RTL4: variants seen among roughly 807,000 people sequenced by gnomAD.
RTL4 encodes retrotransposon Gag like 4.
Under a neutral mutation model 5.3 loss-of-function variants are expected in RTL4, and 4 were observed. The observed-to-expected ratio is 0.75, with a 90% CI of 0.37 to 1.72. RTL4 has a LOEUF of 1.72. Ranked by LOEUF, RTL4 falls within the 40% of genes most tolerant of loss-of-function variation. RTL4 has a pLI of 0.04. For synonymous variants in RTL4, 98 were observed against 87.3 expected, an observed-to-expected ratio of 1.12 and a Z score of -0.68; for missense variants, 260 against 227.1, an observed-to-expected ratio of 1.14 and a Z score of -0.93.
chrX:112,455,649 A>G (rs780260173), exon 1 of RTL4: 1 of 1,204,631 alleles, frequency 8.3e-7, no homozygotes, highest in Non-Finnish European at 1.1e-6. Context: ...CAAATAACAC[A>G]GCTCACCAGT....
chrX:112,286,422 A>G, the RTL4 span, among the ~76,000 whole-genome samples: 1 of 111,511 alleles, frequency 9.0e-6, no homozygotes, highest in Non-Finnish European at 1.9e-5. Flanking sequence ...GGTTTTGAGC[A>G]GAGGAGTGAC....
the RTL4 span, among the ~76,000 whole-genome samples, chrX:112,316,987 C>G: frequency 8.9e-6 from 1 of 112,193 alleles, no homozygotes; most frequent in East Asian, 2.8e-4. Context: ...CTGAAAACCA[C>G]ATAGTACTCA....
the RTL4 span, among the ~76,000 whole-genome samples, chrX:112,310,637 A>G: frequency 3.3e-5 from 2 of 61,141 alleles, no homozygotes; most frequent in East Asian, 1.0e-3. Flanking sequence ...ATGTTTATAT[A>G]TTATATATAT....
At chrX:112,092,978 GA>G in the RTL4 span, among the ~76,000 whole-genome samples, 124 of 111,031 alleles carry the variant, frequency 1.1e-3, no homozygotes, top group Non-Finnish European at 7.8e-4. Context: ...TTTAGTAAGT[GA>G]AATATAACTA....
the RTL4 span, among the ~76,000 whole-genome samples, chrX:112,345,336 T>C: frequency 9.0e-6 from 1 of 111,491 alleles, no homozygotes; most frequent in African/African-American, 3.3e-5. Flanking sequence ...TATAGAGTTC[T>C]TACTGTACCC....
the RTL4 span, among the ~76,000 whole-genome samples, chrX:112,172,361 A>C: frequency 8.9e-6 from 1 of 111,733 alleles, no homozygotes; most frequent in South Asian, 3.8e-4. Context: ...GATGCTTCTG[A>C]GTAGAAGACA....
At chrX:112,161,061 TA>T in the RTL4 span, among the ~76,000 whole-genome samples, 1 of 111,768 alleles carries the variant, frequency 8.9e-6, no homozygotes, top group Non-Finnish European at 1.9e-5. Flanking sequence ...TGTCTCACAG[TA>T]AAAATGATAG....
the RTL4 span, among the ~76,000 whole-genome samples, chrX:112,400,028 A>G: frequency 9.0e-6 from 1 of 110,594 alleles, no homozygotes; most frequent in Non-Finnish European, 1.9e-5. Flanking sequence ...CCTGCTTGTG[A>G]GATTTTCTCT....
At chrX:112,273,261 T>A in the RTL4 span, among the ~76,000 whole-genome samples, 1 of 109,450 alleles carries the variant, frequency 9.1e-6, no homozygotes, top group African/African-American at 3.3e-5. Flanking sequence ...TGATGATTTT[T>A]TTTTTTTTTT....
At chrX:112,092,184 A>T in the RTL4 span, among the ~76,000 whole-genome samples, 1 of 111,837 alleles carries the variant, frequency 8.9e-6, no homozygotes, top group East Asian at 2.8e-4. Context: ...CTGCCTTTTA[A>T]TTGGACAGTT....
the RTL4 span, among the ~76,000 whole-genome samples, chrX:112,341,163 CA>C: frequency 0.012 from 950 of 77,440 alleles, 6 homozygotes; most frequent in African/African-American, 0.034. Context: ...TGATAGCAGG[CA>C]AAAAAAAAAA....
At chrX:112,098,385 G>A in the RTL4 span, among the ~76,000 whole-genome samples, 1 of 111,342 alleles carries the variant, frequency 9.0e-6, no homozygotes, top group African/African-American at 3.3e-5. Context: ...TTGGTTCCAA[G>A]TCCTTGCTAT....
chrX:112,209,773 T>C, the RTL4 span, among the ~76,000 whole-genome samples: 1 of 111,794 alleles, frequency 8.9e-6, no homozygotes. Flanking sequence ...TAGTTTATGA[T>C]AGGCAGTTCA....
chrX:112,291,745 C>T, the RTL4 span, among the ~76,000 whole-genome samples: 26,360 of 109,677 alleles, frequency 0.24, 2,596 homozygotes, highest in Admixed American at 0.33. Context: ...TATAGGCGCC[C>T]GCCACCAGGC....
At chrX:112,135,355 G>A in the RTL4 span, among the ~76,000 whole-genome samples, 3 of 111,293 alleles carry the variant, frequency 2.7e-5, no homozygotes, top group Non-Finnish European at 5.7e-5. Context: ...TGCTTTCTTT[G>A]TTGAAGTGAC....
the RTL4 span, among the ~76,000 whole-genome samples, chrX:112,356,579 G>GGTGTGT: frequency 9.6e-3 from 955 of 99,433 alleles, 10 homozygotes; most frequent in African/African-American, 0.034. Context: ...TTTGTTTTGG[G>GGTGTGT]GTGTGTGTGT....
At chrX:112,293,009 C>CA in the RTL4 span, among the ~76,000 whole-genome samples, 6 of 111,757 alleles carry the variant, frequency 5.4e-5, no homozygotes, top group African/African-American at 1.9e-4. Context: ...AGCTTCCATC[C>CA]AAAAAATTGC....
At chrX:112,305,168 GT>G in the RTL4 span, among the ~76,000 whole-genome samples, 4 of 100,830 alleles carry the variant, frequency 4.0e-5, no homozygotes, top group East Asian at 6.1e-4. Context: ...ATATCTTTGT[GT>G]TTTTTTTGTC....
the RTL4 span, among the ~76,000 whole-genome samples, chrX:112,211,014 T>C: frequency 8.9e-6 from 1 of 112,461 alleles, no homozygotes; most frequent in African/African-American, 3.2e-5. Context: ...TCTAAAACTC[T>C]GTATAAAAGA....
Sources: gnomAD v4.1 joint callset for allele counts (sites outside exome capture counted in the v4.1 genomes callset) on GRCh38, gnomAD v4.1.1 for gene constraint, MANE v1.5 for transcripts, NCBI Gene and HGNC (gene_info 2026-07-23, HGNC 2026-07-21) for gene names.